PHPT1: variants seen among roughly 807,000 people sequenced by gnomAD.
PHPT1 encodes the protein phosphohistidine phosphatase 1.
In PHPT1, 16 loss-of-function variants were observed where a neutral mutation model predicts 15.6. The ratio of observed to expected loss-of-function variants is 1.03; its 90% CI spans 0.70 to 1.56. PHPT1 has a LOEUF of 1.56. PHPT1 is among the 40% of genes most tolerant of loss of function. PHPT1 has a pLI of 0.00. For synonymous variants in PHPT1, 102 were observed against 68.1 expected, an observed-to-expected ratio of 1.50 and a Z score of -2.45; for missense variants, 228 against 171.0, an observed-to-expected ratio of 1.33 and a Z score of -1.86.
intron 1 of PHPT1, 27 bp downstream of exon 1, chr9:136,849,617 A>G (rs1164749034): frequency 3.6e-6 from 3 of 840,778 alleles, no homozygotes; most frequent in South Asian, 3.0e-5. Flanking sequence ...CGGGCATGCC[A>G]GGGGCACGCC....
chr9:136,850,971 C>G lies in PHPT1; in HGVS notation c.*124C>G, dbSNP rs752479436. On this transcript the variant is annotated 3_prime_UTR_variant, in exon 3 of 3. Coordinates refer to ENST00000247665, the MANE Select transcript of PHPT1 (RefSeq NM_014172.6). ...GCAGCCTCTGGTGACGTGCTGTCCA[C>G]CAGGCCTTGGAGACAGGCTAGCCTG... is the stretch of plus-strand genomic sequence containing the variant. The G allele has an allele frequency of 6.2e-6, 5 of 803,218 alleles. No individual in the cohort carries two copies. In the Admixed American group the frequency reaches 6.8e-5, roughly 11 times the overall value. 49.8% of individuals were successfully genotyped at this position (803,218 alleles called of 1,614,324 possible).
chr9:136,850,556 T>C lies in PHPT1; in HGVS notation c.286-199T>C, dbSNP rs756494555. 4.3e-6 allele frequency: 7 copies of C among 1,611,536 alleles called. No homozygotes were observed. In the South Asian group the frequency reaches 6.6e-5, roughly 15 times the overall value. ...GCGCCTCAGGCCCCAGGATCCACCA[T>C]CAAGGTTTGCTTGCCTGTGGAGGTC... On this transcript the variant is annotated intron_variant, in intron 2 of 2. Coordinates refer to ENST00000247665, the MANE Select transcript of PHPT1 (RefSeq NM_014172.6).
In PHPT1 at chr9:136,850,970, A is replaced by G. The variant is rs1045907; in HGVS notation, c.*123A>G. The G allele has an allele frequency of 2.5e-6, 2 of 804,658 alleles. No individual in the cohort carries two copies. The highest frequency in any genetic ancestry group is 2.2e-6 in the Non-Finnish European group (1 of 450,360). The allele number at this position is 804,658 out of a possible 1,614,324, so 49.8% of individuals were successfully genotyped here. Reference sequence around the variant, plus strand: ...GGCAGCCTCTGGTGACGTGCTGTCCACCAGGCCTTGGAGACAGGCTAGCCT... The same window carrying G: ...GGCAGCCTCTGGTGACGTGCTGTCCGCCAGGCCTTGGAGACAGGCTAGCCT... On this transcript the variant is annotated 3_prime_UTR_variant, in exon 3 of 3. Transcript: ENST00000247665.
In PHPT1 at chr9:136,850,869, C is replaced by A; in HGVS notation, c.*22C>A. The A allele has an allele frequency of 1.3e-6, 2 of 1,573,092 alleles. No individual in the cohort carries two copies. The highest frequency in any genetic ancestry group is 1.7e-6 in the Non-Finnish European group (2 of 1,143,924). ...CTGAGCACTCCCAGCCCGGGGCCTGCTGCCTCCAGCAGCCACTTCAGAGCC... is the reference window on the plus strand; with the variant it reads ...CTGAGCACTCCCAGCCCGGGGCCTGATGCCTCCAGCAGCCACTTCAGAGCC... On this transcript the variant is annotated 3_prime_UTR_variant, in exon 3 of 3. Transcript: ENST00000247665.
rs1848896344 is a variant in PHPT1, at chr9:136,850,765, C to T, written c.296C>T (p.Pro99Leu). ...TCTTCTCTTCTCCAGGCCTATGGTC[C>T]TGCCCAGCACGCCATTTCAACTGAG... The part of the protein sequence containing the change: ...HVYGYSMAYG[P>L]AQHAISTEKI... The change falls in exon 3 of 3, where the codon CCT (proline) becomes CTT (leucine). Residue 99 changes from proline (P) to leucine (L), a missense_variant. Pro to Leu is a moderately conservative substitution (Grantham distance 98). Transcript: ENST00000247665. 2.5e-6 allele frequency: 4 copies of T among 1,613,010 alleles called. No homozygotes were observed. Among genetic ancestry groups the T allele is most frequent in the Middle Eastern group, 1.6e-4 (1 of 6,062 alleles).
Position 136,849,580 on chromosome 9 carries a change from T to G in PHPT1, c.150T>G (p.Ala50=), listed in dbSNP as rs1036434221. The G allele has an allele frequency of 5.0e-6, 8 of 1,597,802 alleles. No individual in the cohort carries two copies. Among genetic ancestry groups the G allele is most frequent in the African/African-American group, 1.4e-5 (1 of 73,520 alleles). The change falls in exon 1 of 3, where the codon GCT becomes GCG. Residue 50 remains alanine (A), a synonymous_variant. Transcript: ENST00000247665. ...AGATCGTGCGCGGCTACAAGTGGGC[T>G]GAGTACCATGGTGAGGGCGGGACCT... ...SKEIVRGYKW[A]EYHADIYDKV...
rs547672004 is a variant in PHPT1, at chr9:136,849,631, C to G, written c.160+41C>G. On this transcript the variant is annotated intron_variant, in intron 1 of 2. Transcript: ENST00000247665. ...GCGGGCATGCCAGGGGCACGCCTGG[C>G]GAGGCGGGGGCGGGGCTGGCGGGAC... 13 of 747,832 alleles carry G rather than the reference C, an allele frequency of 1.7e-5. No homozygotes were observed. In the East Asian group the frequency reaches 1.1e-3, roughly 65 times the overall value. 46.3% of individuals were successfully genotyped at this position (747,832 alleles called of 1,614,324 possible).
intron 2 of PHPT1, chr9:136,850,391 C>A: frequency 4.0e-6 from 4 of 994,842 alleles, no homozygotes; most frequent in Non-Finnish European, 6.1e-6. Flanking sequence ...CCTTGGGAGG[C>A]CTTGCTGGGC....
chr9:136,850,707 C>T (rs375998596), intron 2 of PHPT1, 48 bp from the exon 3 acceptor site: 13 of 1,539,826 alleles, frequency 8.4e-6, no homozygotes, highest in African/African-American at 6.8e-5. Flanking sequence ...AGCCGGGTAT[C>T]GGGTTGAAGG....
intron 1 of PHPT1, chr9:136,849,810 T>TC (rs1848860567): frequency 4.3e-6 from 3 of 703,884 alleles, no homozygotes; most frequent in Non-Finnish European, 7.0e-6. Context: ...CCTGACACCC[T>TC]CCCCAGCAGT....
Position 136,850,756 on chromosome 9 carries a change from C to A in PHPT1, c.287C>A (p.Ala96Asp). The change falls in exon 3 of 3, where the codon GCC becomes GAC. Residue 96 changes from alanine to aspartate, a missense_variant and splice_region_variant. Ala to Asp is a moderately radical substitution (Grantham distance 126, BLOSUM62 -2). Coordinates refer to ENST00000247665, the MANE Select transcript of PHPT1 (RefSeq NM_014172.6). Reference protein sequence around the residue: ...KKIHVYGYSMAYGPAQHAIST... With the variant: ...KKIHVYGYSMDYGPAQHAIST... ...CAGCAGGCGTCTTCTCTTCTCCAGG[C>A]CTATGGTCCTGCCCAGCACGCCATT... The A allele has an allele frequency of 1.9e-6, 3 of 1,612,316 alleles. No individual in the cohort carries two copies. Among genetic ancestry groups the A allele is most frequent in the Non-Finnish European group, 2.5e-6 (3 of 1,179,182 alleles).
rs572061353 is a variant in PHPT1 at position 136,849,472 on chromosome 9, C to G, written c.42C>G (p.Ile14Met). Residue 14 changes from isoleucine to methionine, a missense_variant, in exon 1 of 3, where the codon ATC becomes ATG. By Grantham distance (10) the Ile-to-Met change is conservative. Coordinates refer to ENST00000247665, the MANE Select transcript of PHPT1 (RefSeq NM_014172.6). ...ADLALIPDVD[I>M]DSDGVFKYVL... Reference sequence around the variant, plus strand: ...TCGCTCTCATTCCTGATGTGGACATCGACTCCGACGGCGTCTTCAAGTATG... The same window carrying G: ...TCGCTCTCATTCCTGATGTGGACATGGACTCCGACGGCGTCTTCAAGTATG... 1.2e-6 allele frequency: 2 copies of G among 1,610,896 alleles called. No individual in the cohort carries two copies. Among genetic ancestry groups the G allele is most frequent in the Non-Finnish European group, 8.5e-7 (1 of 1,179,102 alleles).
chr9:136,850,584 C>T (rs1478705246), intron 2 of PHPT1, 171 bp from the exon 3 acceptor site: 11 of 1,606,686 alleles, frequency 6.8e-6, no homozygotes, highest in African/African-American at 1.3e-5. Context: ...TGGAGGTCGC[C>T]TCTCCCCAGG....
rs1848899942 is a variant in PHPT1 at position 136,850,845 on chromosome 9, T to C, written c.376T>C (p.Ter126ArgextTer54). The C allele has an allele frequency of 7.4e-6, 12 of 1,611,558 alleles. No individual in the cohort carries two copies. Among genetic ancestry groups the C allele is most frequent in the Non-Finnish European group, 1.0e-5 (12 of 1,178,678 alleles). ...YEVTWANDGY[*>R] ...GGTCACCTGGGCTAACGACGGCTAC[T>C]GAGCACTCCCAGCCCGGGGCCTGCT... is the stretch of plus-strand genomic sequence containing the variant. The change falls in exon 3 of 3, where the codon TGA (stop) becomes CGA (arginine). Residue 126 changes from the stop codon to arginine (R), a stop_lost. Coordinates refer to ENST00000247665, the MANE Select transcript of PHPT1 (RefSeq NM_014172.6).
chr9:136,850,142 GC>G lies in PHPT1; in HGVS notation c.285+7del. The G allele has an allele frequency of 1.2e-6, 2 of 1,613,002 alleles. No homozygotes were observed. Among genetic ancestry groups the G allele is most frequent in the Admixed American group, 3.3e-5 (2 of 60,014 alleles). On this transcript the variant is annotated splice_donor_region_variant and intron_variant, in intron 2 of 2. Transcript: ENST00000247665. ...CACGTGTACGGCTATTCCATGGTGA[GC>G]CGCAGCCCCGTCCCGCCCTGCCGGA...
At chr9:136,850,528 T>TG in intron 2 of PHPT1, 1 of 1,612,104 alleles carries the variant, frequency 6.2e-7, no homozygotes, top group Non-Finnish European at 8.5e-7. Context: ...TGCGTCCCTC[T>TG]GGGCGCCTCA....
intron 1 of PHPT1, 135 bp from the exon 2 acceptor site, chr9:136,849,878 C>T (rs556273426): frequency 1.0e-6 from 1 of 971,644 alleles, no homozygotes; most frequent in Non-Finnish European, 1.5e-6. Context: ...ATCCCTGTCC[C>T]AGCCTCAAGG....
At chr9:136,849,955 C>T in intron 1 of PHPT1, 58 bp from the exon 2 acceptor site, 1 of 1,558,488 alleles carries the variant, frequency 6.4e-7, no homozygotes, top group Non-Finnish European at 8.7e-7. Flanking sequence ...GCTGGGAGTT[C>T]CTCCCGCGGC....
In PHPT1 at chr9:136,849,478, C is replaced by T. The variant is rs779351813; in HGVS notation, c.48C>T (p.Ser16=). The T allele has an allele frequency of 2.5e-6, 4 of 1,611,130 alleles. No homozygotes were observed. The highest frequency in any genetic ancestry group is 3.4e-6 in the Non-Finnish European group (4 of 1,179,198). The change falls in exon 1 of 3, where the codon TCC becomes TCT. Residue 16 remains serine (S), a synonymous_variant. Coordinates refer to ENST00000247665, the MANE Select transcript of PHPT1 (RefSeq NM_014172.6). ...TCATTCCTGATGTGGACATCGACTC[C>T]GACGGCGTCTTCAAGTATGTGCTGA... ...LALIPDVDID[S]DGVFKYVLIR... is the part of the protein sequence containing the mutation.
Sources: gnomAD v4.1 joint callset for allele counts on GRCh38, gnomAD v4.1.1 for gene constraint, MANE v1.5 for transcripts, NCBI Gene and HGNC (gene_info 2026-07-23, HGNC 2026-07-21) for gene names.